The following CCN6 variants were observed in gnomAD, a reference collection of about 807,000 sequenced individuals.
The protein encoded by CCN6 is cellular communication network factor 6.
CCN6 carries 31 observed loss-of-function variants against 37.4 expected under a neutral mutation model. The observed-to-expected ratio is 0.83, with a 90% CI of 0.62 to 1.12. The LOEUF (loss-of-function observed/expected upper bound fraction) is 1.12, where lower values mean the gene tolerates loss of function less well. Among genes scored for constraint, CCN6 ranks in the 50% most tolerant of loss-of-function variants. The pLI, the probability that CCN6 is intolerant of heterozygous loss-of-function variation, is 0.00. For missense variants in CCN6, 369 were observed against 413.8 expected, an observed-to-expected ratio of 0.89 and a Z score of 0.94; for synonymous variants, 137 against 142.1, an observed-to-expected ratio of 0.96 and a Z score of 0.26.
intron 3 of CCN6, chr6:112,066,889 A>C: frequency 8.7e-7 from 1 of 1,147,138 alleles, no homozygotes; most frequent in South Asian, 1.3e-5. Context: ...ATGAATGGTA[A>C]ATTCCTGAAC....
intron 1 of CCN6, among the ~76,000 whole-genome samples, chr6:112,056,571 C>T (rs1776354240): frequency 6.6e-6 from 1 of 152,132 alleles, no homozygotes; most frequent in Non-Finnish European, 1.5e-5. Context: ...GGCTGGAGTG[C>T]AGTGGCGTGT....
At chr6:112,061,868 A>C (rs1776534915) in intron 2 of CCN6, among the ~76,000 whole-genome samples, 1 of 152,238 alleles carries the variant, frequency 6.6e-6, no homozygotes, top group Non-Finnish European at 1.5e-5. Flanking sequence ...CATTGACACT[A>C]ATTCAGGGTG....
chr6:112,065,632 A>ACACGCACGCACG (rs1328286128), intron 3 of CCN6, among the ~76,000 whole-genome samples: 3 of 146,644 alleles, frequency 2.0e-5, no homozygotes, highest in Admixed American at 1.3e-4. Flanking sequence ...GCACGCACAC[A>ACACGCACGCACG]CACACACACA....
chr6:112,063,857 G>C (rs1331550760), intron 2 of CCN6, among the ~76,000 whole-genome samples: 1 of 152,204 alleles, frequency 6.6e-6, no homozygotes, highest in Non-Finnish European at 1.5e-5. Flanking sequence ...TGAGAGAGCA[G>C]TTTGCTGAAG....
chr6:112,057,098 T>C (rs1776369953), intron 1 of CCN6, among the ~76,000 whole-genome samples: 1 of 152,168 alleles, frequency 6.6e-6, no homozygotes, highest in South Asian at 2.1e-4. Flanking sequence ...GGGGGCAGTT[T>C]TGGGAGTGTG....
chr6:112,060,208 G>A (rs1776472119), intron 1 of CCN6: 2 of 1,222,608 alleles, frequency 1.6e-6, no homozygotes, highest in African/African-American at 1.6e-5. Flanking sequence ...CTCCATATGA[G>A]CAAAGAGTGA....
intron 1 of CCN6, among the ~76,000 whole-genome samples, chr6:112,060,606 G>A (rs147059729): frequency 9.5e-4 from 145 of 152,244 alleles, no homozygotes; most frequent in African/African-American, 3.2e-3. Context: ...TGTTAAGTAG[G>A]CAGTTTGAGT....
At chr6:112,059,193 G>T (rs782572114) in intron 1 of CCN6, among the ~76,000 whole-genome samples, 3 of 152,120 alleles carry the variant, frequency 2.0e-5, no homozygotes, top group African/African-American at 7.2e-5. Flanking sequence ...TGTCACATAG[G>T]ACAACTTAAA....
At chr6:112,063,606 G>A (rs1776591487) in intron 2 of CCN6, among the ~76,000 whole-genome samples, 1 of 152,168 alleles carries the variant, frequency 6.6e-6, no homozygotes, top group Admixed American at 6.5e-5. Context: ...ATGGATACAA[G>A]TTTTCCAAAA....
chr6:112,064,125 T>C (rs1776607733), intron 2 of CCN6, among the ~76,000 whole-genome samples: 1 of 152,194 alleles, frequency 6.6e-6, no homozygotes, highest in Non-Finnish European at 1.5e-5. Context: ...CAGTTGCTTT[T>C]GTAGCACCGG....
chr6:112,068,903 C>T (rs1314759860), intron 4 of CCN6, among the ~76,000 whole-genome samples: 1 of 152,078 alleles, frequency 6.6e-6, no homozygotes, highest in Non-Finnish European at 1.5e-5. Context: ...AATCCTTCTA[C>T]CCCAAAGTTA....
At chr6:112,057,321 C>A (rs1776376507) in intron 1 of CCN6, among the ~76,000 whole-genome samples, 1 of 152,304 alleles carries the variant, frequency 6.6e-6, no homozygotes, top group South Asian at 2.1e-4. Flanking sequence ...GTAATACAAC[C>A]AGACATGTTC....
At chr6:112,056,156 A>G (rs1776342575) in intron 1 of CCN6, among the ~76,000 whole-genome samples, 1 of 152,204 alleles carries the variant, frequency 6.6e-6, no homozygotes. Flanking sequence ...TTACCCACAT[A>G]TTGACTATGT....
upstream of CCN6, chr6:112,054,097 C>G: frequency 1.6e-6 from 1 of 634,852 alleles, no homozygotes; most frequent in Non-Finnish European, 2.9e-6. Flanking sequence ...GAGGAAAGTG[C>G]TCGCCCATTC....
At chr6:112,068,182 G>C (rs782522118) in intron 3 of CCN6, 23 bp from the exon 4 acceptor site, 1 of 1,578,180 alleles carries the variant, frequency 6.3e-7, no homozygotes, top group Admixed American at 1.7e-5. Context: ...GTATACATAT[G>C]TACTTTTCTC....
In CCN6 at chr6:112,064,790, C is replaced by T. The variant is rs782285818; in HGVS notation, c.382C>T (p.His128Tyr). The change falls in exon 3 of 5, where the codon CAT (histidine) becomes TAT (tyrosine). Residue 128 changes from histidine (H) to tyrosine (Y), a missense_variant. Coordinates refer to ENST00000368666, the MANE Select transcript of CCN6 (RefSeq NM_198239.2). ...TGTTGGGTGCGAGTTCAACCAGGTA[C>T]ATTATCATAATGGCCAAGTGTTTCA... ...VAVGCEFNQV[H>Y]YHNGQVFQPN... The T allele has an allele frequency of 4.4e-5, 71 of 1,613,928 alleles. No individual in the cohort carries two copies. The highest frequency in any genetic ancestry group is 1.6e-4 in the Middle Eastern group (1 of 6,082).
intron 3 of CCN6, among the ~76,000 whole-genome samples, chr6:112,065,624 A>G (rs797043519): frequency 4.2e-3 from 372 of 88,078 alleles, no homozygotes; most frequent in African/African-American, 0.015. Flanking sequence ...ACACACACGC[A>G]CGCACACACA....
chr6:112,053,936 AG>A, upstream of CCN6: 2 of 366,220 alleles, frequency 5.5e-6, no homozygotes, highest in South Asian at 4.5e-5. Flanking sequence ...GAGGACCCGG[AG>A]CAGGGCAAAC....
intron 2 of CCN6, among the ~76,000 whole-genome samples, chr6:112,062,687 T>G (rs1776563490): frequency 6.6e-6 from 1 of 152,216 alleles, no homozygotes; most frequent in African/African-American, 2.4e-5. Flanking sequence ...ACATGGCACA[T>G]TAATGTAGAG....
Sources: allele counts gnomAD v4.1 joint callset (sites outside exome capture counted in the v4.1 genomes callset), GRCh38; gene constraint gnomAD v4.1.1; transcripts MANE v1.5; gene names NCBI Gene and HGNC (gene_info 2026-07-23, HGNC 2026-07-21).